The following HIP1 variants were observed in gnomAD, a reference collection of about 807,000 sequenced individuals.
HIP1 encodes the protein huntingtin interacting protein 1, also known as huntingtin-interacting protein 1.
A neutral mutation model predicts 147.6 loss-of-function variants in HIP1; 65 were observed. That is an observed-to-expected ratio of 0.44 (90% CI 0.36 to 0.54). HIP1 has a LOEUF of 0.54. HIP1 is among the 20% of genes least tolerant of loss of function. The pLI is 0.00. For synonymous variants in HIP1, 479 were observed against 504.0 expected (o/e 0.95, Z 0.67); for missense variants, 1,061 against 1,299.6 (o/e 0.82, Z 2.82).
intron 1 of HIP1, among the ~76,000 whole-genome samples, chr7:75,691,386 G>T (rs1309813798): frequency 1.3e-5 from 2 of 151,954 alleles, no homozygotes; most frequent in Non-Finnish European, 2.9e-5. Context: ...AGCTACTTGG[G>T]AGGCTGAGGC....
At chr7:75,665,236 T>C (rs905163033) in intron 1 of HIP1, among the ~76,000 whole-genome samples, 4 of 152,072 alleles carry the variant, frequency 2.6e-5, no homozygotes, top group African/African-American at 9.7e-5. Flanking sequence ...CACTCCAGCC[T>C]GGGTGACAGA....
intron 1 of HIP1, among the ~76,000 whole-genome samples, chr7:75,706,407 A>G (rs548300663): frequency 7.0e-6 from 1 of 143,858 alleles, no homozygotes; most frequent in Non-Finnish European, 1.5e-5. Flanking sequence ...TTTGATTTGC[A>G]TTTTCCTAAT....
At chr7:75,664,501 TATATGTATG>T (rs1450788608) in intron 1 of HIP1, among the ~76,000 whole-genome samples, 1 of 149,698 alleles carries the variant, frequency 6.7e-6, no homozygotes, top group African/African-American at 2.5e-5. Flanking sequence ...CACATACATA[TATATGTATG>T]TGTATGTATA....
At chr7:75,547,175 C>T in intron 24 of HIP1, 143 bp from the exon 25 acceptor site, 1 of 670,964 alleles carries the variant, frequency 1.5e-6, no homozygotes, top group South Asian at 1.8e-5. Context: ...CTGGAACATT[C>T]TGCGGGGAGG....
chr7:75,595,528 G>A (rs1464834805), intron 2 of HIP1, among the ~76,000 whole-genome samples: 2 of 151,678 alleles, frequency 1.3e-5, no homozygotes, highest in Non-Finnish European at 2.9e-5. Context: ...TTTTTTAGTA[G>A]AGACGGGGTT....
chr7:75,648,497 G>C (rs969717620), intron 1 of HIP1, among the ~76,000 whole-genome samples: 1 of 152,064 alleles, frequency 6.6e-6, no homozygotes, highest in South Asian at 2.1e-4. Context: ...CTGTTGCCCC[G>C]ATATTAAACA....
At chr7:75,593,555 G>A (rs1034014947) in intron 2 of HIP1, among the ~76,000 whole-genome samples, 2 of 151,112 alleles carry the variant, frequency 1.3e-5, no homozygotes, top group African/African-American at 4.9e-5. Context: ...GCTTGAATCC[G>A]GGAGGTGGAG....
chr7:75,730,718 C>T (rs1034363460), intron 1 of HIP1, among the ~76,000 whole-genome samples: 4 of 150,750 alleles, frequency 2.7e-5, no homozygotes, highest in African/African-American at 9.8e-5. Flanking sequence ...CATTTGCACA[C>T]AGTATGTGGG....
intron 1 of HIP1, among the ~76,000 whole-genome samples, chr7:75,704,844 A>AT (rs1305743312): frequency 2.0e-5 from 3 of 152,190 alleles, no homozygotes; most frequent in African/African-American, 7.2e-5. Context: ...AAGTGCTGGG[A>AT]TTACAGGCAT....
intron 1 of HIP1, among the ~76,000 whole-genome samples, chr7:75,716,399 C>T (rs1801320025): frequency 6.6e-6 from 1 of 150,944 alleles, no homozygotes; most frequent in Non-Finnish European, 1.5e-5. Flanking sequence ...ATTTTTTGTA[C>T]TTTAGTAGAG....
chr7:75,559,703 G>GGCGGCCC, intron 14 of HIP1, 29 bp downstream of exon 14: 1 of 1,195,144 alleles, frequency 8.4e-7, no homozygotes, highest in Admixed American at 2.6e-5. Flanking sequence ...TGCCCCCGGG[G>GGCGGCCC]CCCGCCCCCG....
At chr7:75,698,207 A>G (rs1464686565) in intron 1 of HIP1, among the ~76,000 whole-genome samples, 1 of 152,104 alleles carries the variant, frequency 6.6e-6, no homozygotes, top group Admixed American at 6.6e-5. Context: ...ATTCATTACT[A>G]TTAAAAGACT....
Position 75,558,268 on chromosome 7 carries a change from G to T in HIP1, c.1376-13C>A, listed in dbSNP as rs73139347. ...GCTTGAGCTTTCCCTGTATTGTAAA[G>T]GACCAAGGTGAGGAGTCTAACCTAG... On this transcript the variant is annotated splice_polypyrimidine_tract_variant and intron_variant, in intron 14 of 30. Transcript: ENST00000336926. 4 of 1,608,768 alleles carry T rather than the reference G, an allele frequency of 2.5e-6. No individual in the cohort carries two copies. Among genetic ancestry groups the T allele is most frequent in the Non-Finnish European group, 3.4e-6 (4 of 1,175,102 alleles).
At position 75,567,599 on chromosome 7, in the gene HIP1, G is replaced by A. The variant is rs587775805; in HGVS notation, c.803+600C>T. Among the ~76,000 whole-genome samples, 16 of 151,186 alleles carry A rather than the reference G, an allele frequency of 1.1e-4. 1 individual carries two copies. The highest frequency in any genetic ancestry group is 2.2e-4 in the African/African-American group (9 of 40,614). On this transcript the variant is annotated intron_variant, in intron 9 of 30. Transcript: ENST00000336926. Reference sequence around the variant, plus strand: ...GGGCAGATCACAAGGTCAAGAGATCGAGACCATCCTGGCCAACATGGTGAA... The same window carrying A: ...GGGCAGATCACAAGGTCAAGAGATCAAGACCATCCTGGCCAACATGGTGAA...
chr7:75,673,142 C>T lies in HIP1; in HGVS notation c.120+65659G>A, dbSNP rs2705828. Among the ~76,000 whole-genome samples, 1,337 of 151,966 alleles carry T rather than the reference C, an allele frequency of 8.8e-3. 22 individuals carry two copies. Among genetic ancestry groups the T allele is most frequent in the African/African-American group, 0.031 (1,275 of 41,426 alleles). ...GTTCAAGCGATTCTCCTGCCTCAGC[C>T]TCCCCAGTAGCTGGGATTACAGGTG... On this transcript the variant is annotated intron_variant, in intron 1 of 30. Coordinates refer to ENST00000336926, the MANE Select transcript of HIP1 (RefSeq NM_005338.7).
At chr7:75,543,220 T>C (rs1554490299) in intron 27 of HIP1, among the ~76,000 whole-genome samples, 1 of 152,130 alleles carries the variant, frequency 6.6e-6, no homozygotes, top group African/African-American at 2.4e-5. Flanking sequence ...ATGTGCCCAG[T>C]TGTGGAAACC....
intron 7 of HIP1, among the ~76,000 whole-genome samples, chr7:75,577,562 C>CT (rs1795891774): frequency 6.6e-6 from 1 of 152,178 alleles, no homozygotes; most frequent in South Asian, 2.1e-4. Flanking sequence ...GCCACTGCAC[C>CT]TGGTAGCCTG....
At chr7:75,559,478 C>T (rs1288858069) in intron 14 of HIP1, among the ~76,000 whole-genome samples, 2 of 152,174 alleles carry the variant, frequency 1.3e-5, no homozygotes, top group Non-Finnish European at 2.9e-5. Context: ...GTATCCACTG[C>T]CCAGGGCAAG....
chr7:75,576,580 G>A (rs1278180889), intron 7 of HIP1, among the ~76,000 whole-genome samples: 3 of 152,118 alleles, frequency 2.0e-5, no homozygotes, highest in African/African-American at 7.2e-5. Context: ...AAATTGGCCA[G>A]GTGTGGTAGC....
Sources: allele counts gnomAD v4.1 joint callset (sites outside exome capture counted in the v4.1 genomes callset), GRCh38; gene constraint gnomAD v4.1.1; transcripts MANE v1.5; gene names NCBI Gene and HGNC (gene_info 2026-07-23, HGNC 2026-07-21).